The following PPP4R3B variants were observed in gnomAD, a reference collection of about 807,000 sequenced individuals.
The protein encoded by PPP4R3B is serine/threonine-protein phosphatase 4 regulatory subunit 3B.
A neutral mutation model predicts 95.4 loss-of-function variants in PPP4R3B; 52 were observed. The ratio of observed to expected loss-of-function variants is 0.54; its 90% CI spans 0.44 to 0.69. The LOEUF is 0.69. Among genes scored for constraint, PPP4R3B ranks in the 30% least tolerant of loss-of-function variants. The probability of loss-of-function intolerance (pLI) is 0.00; values close to 1 mark genes in which losing one functional copy is unlikely to be tolerated. For synonymous variants in PPP4R3B, 407 were observed against 343.9 expected, an observed-to-expected ratio of 1.18 and a Z score of -2.03; for missense variants, 1,003 against 1,005.9, an observed-to-expected ratio of 1.00 and a Z score of 0.04.
intron 2 of PPP4R3B, among the ~76,000 whole-genome samples, chr2:55,609,682 CA>C (rs958552615): frequency 1.4e-5 from 2 of 138,276 alleles, no homozygotes; most frequent in African/African-American, 2.7e-5. Context: ...AAAAAAAAAA[CA>C]AAAAAAACAA....
At chr2:55,557,487 C>A (rs1407020113) in intron 16 of PPP4R3B, among the ~76,000 whole-genome samples, 1 of 152,202 alleles carries the variant, frequency 6.6e-6, no homozygotes, top group Non-Finnish European at 1.5e-5. Flanking sequence ...CCCAAACATT[C>A]TTAATGTAGT....
chr2:55,593,799 G>A (rs988642859), intron 4 of PPP4R3B, among the ~76,000 whole-genome samples: 1 of 151,972 alleles, frequency 6.6e-6, no homozygotes, highest in South Asian at 2.1e-4. Flanking sequence ...TTCACACATA[G>A]TTGAAAACAC....
intron 12 of PPP4R3B, among the ~76,000 whole-genome samples, chr2:55,571,928 T>C (rs1478438218): frequency 6.6e-6 from 1 of 152,236 alleles, no homozygotes; most frequent in Non-Finnish European, 1.5e-5. Flanking sequence ...CCAACACTGG[T>C]ACTTTTACAT....
chr2:55,558,122 G>C (rs1052353478), intron 16 of PPP4R3B, among the ~76,000 whole-genome samples: 4 of 152,022 alleles, frequency 2.6e-5, no homozygotes, highest in Admixed American at 2.6e-4. Flanking sequence ...GCTGCAATTG[G>C]CCACGCACAC....
At chr2:55,589,662 T>A (rs945841566) in intron 4 of PPP4R3B, among the ~76,000 whole-genome samples, 1 of 151,978 alleles carries the variant, frequency 6.6e-6, no homozygotes, top group Non-Finnish European at 1.5e-5. Flanking sequence ...ACGCCCGTAA[T>A]CCCAGCACTT....
chr2:55,547,849 CG>C lies in PPP4R3B; in HGVS notation c.*2061del, dbSNP rs1330198941. The C allele has an allele frequency of 6.6e-6, 1 of 152,092 alleles. No individual in the cohort carries two copies. The highest frequency in any genetic ancestry group is 1.5e-5 in the Non-Finnish European group (1 of 68,024). 9.4% of individuals were successfully genotyped at this position (152,092 alleles called of 1,614,324 possible). A position where few individuals can be genotyped will look rare whatever the true frequency, so the allele number is the denominator to read the frequency against. On this transcript the variant is annotated 3_prime_UTR_variant, in exon 17 of 17. Coordinates refer to ENST00000616407, the MANE Select transcript of PPP4R3B (RefSeq NM_001122964.3). ...CAGAGAATTGCTTGAACCCAGGTGG[CG>C]GATGTTGCAATAAGCCGAAATCGTG...
At chr2:55,594,710 A>G (rs6717574) in intron 4 of PPP4R3B, among the ~76,000 whole-genome samples, 20,774 of 152,106 alleles carry the variant, frequency 0.14, 2,875 homozygotes, top group African/African-American at 0.36. Flanking sequence ...CCAATCTCCT[A>G]AGATTATTAA....
chr2:55,563,062 C>A (rs984890202), intron 15 of PPP4R3B, among the ~76,000 whole-genome samples: 2 of 152,140 alleles, frequency 1.3e-5, no homozygotes, highest in Non-Finnish European at 2.9e-5. Flanking sequence ...ACACTGGATA[C>A]AGAACTTCAA....
chr2:55,563,689 T>C (rs1016400328), intron 15 of PPP4R3B, among the ~76,000 whole-genome samples: 1 of 152,160 alleles, frequency 6.6e-6, no homozygotes, highest in Non-Finnish European at 1.5e-5. Flanking sequence ...TAAATTTTAA[T>C]TAAATATTTA....
chr2:55,564,433 C>G lies in PPP4R3B; in HGVS notation c.2140G>C (p.Glu714Gln), dbSNP rs779373535. 1.4e-5 allele frequency: 22 copies of G among 1,613,528 alleles called. 1 individual carries two copies. Among genetic ancestry groups the G allele is most frequent in the Non-Finnish European group, 1.8e-5 (21 of 1,179,826 alleles). Residue 714 changes from glutamate to glutamine, a missense_variant, in exon 15 of 17, where the codon GAA (glutamate) becomes CAA (glutamine). Physicochemically the swap from Glu to Gln is conservative, Grantham distance 29 (BLOSUM62 2). This residue lies in a region of PPP4R3B where 229 missense variants were observed against 194.7 expected (regional missense o/e 1.18). Transcript: ENST00000616407. ...RDAKALEEDE[E>Q]MWFNEDEEEE... Reference sequence around the variant, plus strand: ...TCTTCATCTTCATTAAACCACATTTCTTCATCCTCTTCCAAGGCTTTTGCA... The same window carrying G: ...TCTTCATCTTCATTAAACCACATTTGTTCATCCTCTTCCAAGGCTTTTGCA...
chr2:55,600,282 T>C (rs776211089), intron 3 of PPP4R3B, among the ~76,000 whole-genome samples: 1 of 151,896 alleles, frequency 6.6e-6, no homozygotes, highest in Non-Finnish European at 1.5e-5. Flanking sequence ...CAAAATTAGC[T>C]GGGCGTGGTG....
intron 3 of PPP4R3B, 40 bp from the exon 4 acceptor site, chr2:55,599,079 C>T: frequency 1.3e-6 from 2 of 1,498,184 alleles, no homozygotes; most frequent in Non-Finnish European, 1.8e-6. Context: ...CCTTAAAATA[C>T]AAAATAATTC....
chr2:55,611,840 C>T (rs1000247003), intron 2 of PPP4R3B, among the ~76,000 whole-genome samples: 1 of 152,052 alleles, frequency 6.6e-6, no homozygotes, highest in Non-Finnish European at 1.5e-5. Context: ...ATGATCCTCC[C>T]GTCTCACCTC....
chr2:55,585,073 T>G lies in PPP4R3B; in HGVS notation c.1211A>C (p.Gln404Pro). 2.5e-6 allele frequency: 4 copies of G among 1,611,524 alleles called. No homozygotes were observed. Among genetic ancestry groups the G allele is most frequent in the Non-Finnish European group, 3.4e-6 (4 of 1,178,856 alleles). ...TACGTCATCACTCTGCTGAGCTTCT[T>G]GCATTACAAACTCTCGGACCATAGA... is the stretch of plus-strand genomic sequence containing the variant. ...SPSMVREFVM[Q>P]EAQQSDDDIL... The change falls in exon 7 of 17, where the codon CAA becomes CCA. Residue 404 changes from glutamine (Q) to proline (P), a missense_variant. Gln to Pro is a moderately conservative substitution (Grantham distance 76). Transcript: ENST00000616407.
At chr2:55,615,230 C>A (rs929126400) in intron 2 of PPP4R3B, 5 of 491,298 alleles carry the variant, frequency 1.0e-5, no homozygotes, top group African/African-American at 4.0e-5. Context: ...ATAAATACAT[C>A]TTAGAATAAA....
At chr2:55,570,614 A>G (rs1487269436) in intron 12 of PPP4R3B, among the ~76,000 whole-genome samples, 1 of 152,214 alleles carries the variant, frequency 6.6e-6, no homozygotes, top group Non-Finnish European at 1.5e-5. Flanking sequence ...AGATACCACT[A>G]GTCAAATCTT....
intron 11 of PPP4R3B, among the ~76,000 whole-genome samples, chr2:55,576,404 T>C (rs1688666765): frequency 6.6e-6 from 1 of 150,586 alleles, no homozygotes; most frequent in African/African-American, 2.4e-5. Flanking sequence ...ACAAAATATT[T>C]TTTAACCTTG....
Position 55,588,936 on chromosome 2 carries a change from A to G in PPP4R3B, c.942T>C (p.Ser314=). 6.2e-7 allele frequency: 1 copy of G among 1,607,930 alleles called. No homozygotes were observed. Among genetic ancestry groups the G allele is most frequent in the Admixed American group, 1.7e-5 (1 of 59,796 alleles). The change falls in exon 5 of 17, where the codon TCT becomes TCC. Residue 314 remains serine (S), a synonymous_variant. Coordinates refer to ENST00000616407, the MANE Select transcript of PPP4R3B (RefSeq NM_001122964.3). ...SMLQEDEKFL[S]EVFAQLTDEA... The stretch of plus-strand genomic sequence containing the variant: ...CATCTGTTAATTGTGCAAAAACTTC[A>G]GACAAAAACTTCTCATCTTCCTGCA...
intron 2 of PPP4R3B, among the ~76,000 whole-genome samples, chr2:55,609,793 T>A (rs1693921562): frequency 6.6e-6 from 1 of 152,060 alleles, no homozygotes; most frequent in Admixed American, 6.6e-5. Context: ...TGCTACCAGT[T>A]ATACCAATAA....
Sources: gnomAD v4.1 joint callset for allele counts (sites outside exome capture counted in the v4.1 genomes callset) on GRCh38, gnomAD v4.1.1 for gene constraint, gnomAD v4.1.1 regional missense constraint, MANE v1.5 for transcripts, NCBI Gene and HGNC (gene_info 2026-07-23, HGNC 2026-07-21) for gene names.